The following HTR3E variants were observed in gnomAD, a reference collection of about 807,000 sequenced individuals.
HTR3E encodes the protein 5-hydroxytryptamine (serotonin) receptor 3, family member E.
HTR3E carries 38 observed loss-of-function variants against 38.0 expected under a neutral mutation model. The ratio of observed to expected loss-of-function variants is 1.00; its 90% confidence interval spans 0.77 to 1.31. HTR3E has a LOEUF of 1.31. Ranked by LOEUF, HTR3E falls within the 50% of genes most tolerant of loss-of-function variation. The pLI is 0.00. For missense variants in HTR3E, 547 were observed against 585.2 expected, an observed-to-expected ratio of 0.93 and a Z score of 0.67; for synonymous variants, 210 against 232.9, an observed-to-expected ratio of 0.90 and a Z score of 0.89.
At chr3:184,103,606 G>A (rs1214863303) in intron 3 of HTR3E, among the ~76,000 whole-genome samples, 5 of 144,266 alleles carry the variant, frequency 3.5e-5, no homozygotes, top group African/African-American at 1.3e-4. Flanking sequence ...TCCAGCCCAG[G>A]CAACAGTGCA....
At chr3:184,103,445 C>T (rs903325702) in intron 3 of HTR3E, among the ~76,000 whole-genome samples, 24 of 152,042 alleles carry the variant, frequency 1.6e-4, no homozygotes, top group Admixed American at 4.6e-4. Context: ...CTGGCTAACA[C>T]GGTGAAACCC....
In HTR3E at chr3:184,097,542, T is replaced by C. The variant is rs900016807; in HGVS notation, c.13T>C (p.Trp5Arg). The C allele has an allele frequency of 9.1e-6, 14 of 1,535,842 alleles. No homozygotes were observed. The Admixed American group carries it at 2.7e-4, about 30-fold the overall frequency. Residue 5 changes from tryptophan to arginine, a missense_variant, in exon 1 of 9, where the codon TGG becomes CGG. By Grantham distance (101) the Trp-to-Arg change is moderately radical (BLOSUM62 -3). Transcript: ENST00000415389. ...TTAGACAAAGAAGATGGAAGGAAGC[T>C]GGTTCCACAGGAAAAGATTTTCCTT... MEGS[W>R]FHRKRFSFYL... is the part of the protein sequence containing the mutation.
At chr3:184,098,322 T>C (rs1711773014) in intron 1 of HTR3E, among the ~76,000 whole-genome samples, 1 of 152,156 alleles carries the variant, frequency 6.6e-6, no homozygotes, top group South Asian at 2.1e-4. Flanking sequence ...AGAACCTACC[T>C]TGCAGGGTTG....
At chr3:184,105,002 A>G in intron 5 of HTR3E, 46 bp downstream of exon 5, 1 of 1,544,336 alleles carries the variant, frequency 6.5e-7, no homozygotes, top group Admixed American at 1.9e-5. Flanking sequence ...GAGAGCAACC[A>G]ACAAATATAA....
rs1331756837 is a variant in HTR3E, at chr3:184,106,461, T to C, written c.1142-3T>C. The C allele has an allele frequency of 1.3e-6, 2 of 1,581,274 alleles. No homozygotes were observed. Among genetic ancestry groups the C allele is most frequent in the Admixed American group, 1.8e-5 (1 of 56,110 alleles). ...CCATGGCTGAGTCTCTGTCTTTCTG[T>C]AGGTGTGAAGGAGCCAGAGGTATCA... is the stretch of plus-strand genomic sequence containing the variant. On this transcript the variant is annotated splice_polypyrimidine_tract_variant and splice_region_variant and intron_variant, in intron 8 of 8. Coordinates refer to ENST00000415389, the MANE Select transcript of HTR3E (RefSeq NM_001256613.2). This position sits in a 1 kb window ranked among gnomAD's most constrained non-coding sequence, Gnocchi z 4.1.
At position 184,106,746 on chromosome 3, in the gene HTR3E, T is replaced by C; in HGVS notation, c.*53T>C. ...TGGAGCTTCTCTTGCCTCCAGGGACTGGCCAGGTCTCCCCCCTTTCCTGAG... is the reference window on the plus strand; with the variant it reads ...TGGAGCTTCTCTTGCCTCCAGGGACCGGCCAGGTCTCCCCCCTTTCCTGAG... On this transcript the variant is annotated 3_prime_UTR_variant, in exon 9 of 9. Coordinates refer to ENST00000415389, the MANE Select transcript of HTR3E (RefSeq NM_001256613.2). The surrounding 1 kb of genome is among the most constrained non-coding windows in gnomAD (Gnocchi z 4.1). 2 of 1,575,594 alleles carry C rather than the reference T, an allele frequency of 1.3e-6. No homozygotes were observed. Among genetic ancestry groups the C allele is most frequent in the Non-Finnish European group, 1.7e-6 (2 of 1,150,716 alleles).
intron 3 of HTR3E, among the ~76,000 whole-genome samples, chr3:184,103,753 C>T (rs557851707): frequency 1.1e-4 from 16 of 150,408 alleles, no homozygotes; most frequent in East Asian, 7.8e-4. Context: ...GCCGAGATCA[C>T]GCCACTGCAC....
Position 184,106,950 on chromosome 3 carries a change from TA to T in HTR3E, c.*258del. ...CTTACGTCATCTGCATAGCAGACTA[TA>T]CCTCTTCTGTCCGCTGACTTGCCCA... On this transcript the variant is annotated 3_prime_UTR_variant, in exon 9 of 9. Transcript: ENST00000415389. The surrounding 1 kb of genome is among the most constrained non-coding windows in gnomAD (Gnocchi z 4.1). 1 of 455,528 alleles carries T rather than the reference TA, an allele frequency of 2.2e-6. No individual in the cohort carries two copies. The allele number at this position is 455,528 out of a possible 1,614,324, so 28.2% of individuals were successfully genotyped here. A position where few individuals can be genotyped will look rare whatever the true frequency, so the allele number is the denominator to read the frequency against.
intron 3 of HTR3E, among the ~76,000 whole-genome samples, chr3:184,102,106 C>T (rs1039402245): frequency 6.6e-6 from 1 of 152,100 alleles, no homozygotes; most frequent in African/African-American, 2.4e-5. Flanking sequence ...TATCAATGAC[C>T]ATACATAATT....
chr3:184,105,619 T>C, intron 6 of HTR3E, 146 bp from the exon 7 acceptor site: 2 of 919,230 alleles, frequency 2.2e-6, no homozygotes, highest in Non-Finnish European at 3.3e-6. Context: ...TATACCAGAT[T>C]CTAAAGCTGC....
chr3:184,103,680 C>G (rs1252263134), intron 3 of HTR3E, among the ~76,000 whole-genome samples: 2 of 150,866 alleles, frequency 1.3e-5, no homozygotes, highest in Admixed American at 6.6e-5. Flanking sequence ...ACCTGTAATC[C>G]CAGCTACTCA....
chr3:184,105,641 C>A, intron 6 of HTR3E, 124 bp from the exon 7 acceptor site: 1 of 957,132 alleles, frequency 1.0e-6, no homozygotes. Context: ...TTCCCCACAG[C>A]TCCAGATCCC....
chr3:184,104,519 A>C, intron 4 of HTR3E: 1 of 545,570 alleles, frequency 1.8e-6, no homozygotes, highest in South Asian at 4.0e-5. Flanking sequence ...CAGCCTGGGC[A>C]ACATGGTGAA....
At position 184,105,967 on chromosome 3, in the gene HTR3E, T is replaced by A; in HGVS notation, c.923T>A (p.Ile308Asn). 1 of 1,614,020 alleles carries A rather than the reference T, an allele frequency of 6.2e-7. No homozygotes were observed. The highest frequency in any genetic ancestry group is 8.5e-7 in the Non-Finnish European group (1 of 1,179,952). Residue 308 changes from isoleucine to asparagine, a missense_variant and splice_region_variant, in exon 7 of 9, where the codon ATC becomes AAC. Coordinates refer to ENST00000415389, the MANE Select transcript of HTR3E (RefSeq NM_001256613.2). Reference sequence around the variant, plus strand: ...CTCCCCACCAGTGGCACCCCCCTCATCGGTATGGCTCCTCCCACCTTTTGG... The same window carrying A: ...CTCCCCACCAGTGGCACCCCCCTCAACGGTATGGCTCCTCCCACCTTTTGG... ...DLLPTSGTPL[I>N]GVYFALCLSL... is the part of the protein sequence containing the mutation.
chr3:184,104,340 C>A (rs1234122774), intron 4 of HTR3E, 49 bp downstream of exon 4: 4 of 1,566,698 alleles, frequency 2.6e-6, no homozygotes, highest in Non-Finnish European at 3.5e-6. Context: ...CTGGTAGCCA[C>A]AGAGATCACA....
At chr3:184,100,329 TA>T (rs753507503) in intron 1 of HTR3E, 155 bp from the exon 2 acceptor site, 19 of 1,567,488 alleles carry the variant, frequency 1.2e-5, no homozygotes, top group Non-Finnish European at 1.7e-5. Flanking sequence ...AATCCATTTT[TA>T]AAGGGCTTAG....
rs760307235 is a variant in HTR3E, at chr3:184,104,933, C to T, written c.536C>T (p.Thr179Ile). Residue 179 changes from threonine to isoleucine, a missense_variant, in exon 5 of 9, where the codon ACC becomes ATC. Coordinates refer to ENST00000415389, the MANE Select transcript of HTR3E (RefSeq NM_001256613.2). The part of the protein sequence containing the change: ...FPFDQQNCTL[T>I]FSSFLYTVDS... Reference sequence around the variant, plus strand: ...TTCGACCAGCAGAACTGCACACTCACCTTCAGCTCATTCCTCTACACAGGT... The same window carrying T: ...TTCGACCAGCAGAACTGCACACTCATCTTCAGCTCATTCCTCTACACAGGT... 6.2e-7 allele frequency: 1 copy of T among 1,613,912 alleles called. No homozygotes were observed. The highest frequency in any genetic ancestry group is 8.5e-7 in the Non-Finnish European group (1 of 1,179,938).
In HTR3E at chr3:184,104,848, A is replaced by T. The variant is rs1404322601; in HGVS notation, c.451A>T (p.Arg151Trp). 2 of 1,614,006 alleles carry T rather than the reference A, an allele frequency of 1.2e-6. No homozygotes were observed. Among genetic ancestry groups the T allele is most frequent in the Non-Finnish European group, 1.7e-6 (2 of 1,180,006 alleles). Residue 151 changes from arginine to tryptophan, a missense_variant, in exon 5 of 9, where the codon AGG becomes TGG. Transcript: ENST00000415389. ...ATATGTAAGTAATGAAGGTCGCATC[A>T]GGTATAAGAAACCCATGAAGGTGGA... ...TAYVSNEGRIRYKKPMKVDSI... is the reference protein window; with the variant it reads ...TAYVSNEGRIWYKKPMKVDSI...
intron 3 of HTR3E, among the ~76,000 whole-genome samples, chr3:184,103,102 A>G (rs1577011009): frequency 6.6e-6 from 1 of 152,352 alleles, no homozygotes; most frequent in African/African-American, 2.4e-5. Flanking sequence ...TGGAAAATTT[A>G]TATCTTAATT....
Sources: allele counts gnomAD v4.1 joint callset (sites outside exome capture counted in the v4.1 genomes callset), GRCh38; gene constraint gnomAD v4.1.1; non-coding constraint Gnocchi (gnomAD v3.1); transcripts MANE v1.5; gene names NCBI Gene and HGNC (gene_info 2026-07-23, HGNC 2026-07-21).